Variants in NPAS3 observed in about 807,000 individuals in gnomAD.
NPAS3 encodes the protein neuronal PAS domain-containing protein 3.
Under a neutral mutation model 73.1 loss-of-function variants are expected in NPAS3, and 14 were observed. The ratio of observed to expected loss-of-function variants is 0.19; its 90% CI spans 0.13 to 0.30. The LOEUF (loss-of-function observed/expected upper bound fraction) is 0.30. Among genes scored for constraint, NPAS3 ranks in the 10% least tolerant of loss-of-function variants. NPAS3 has a pLI of 1.00. For synonymous variants in NPAS3, 620 were observed against 541.5 expected, an observed-to-expected ratio of 1.14 and a Z score of -2.01; for missense variants, 1,096 against 1,250.0, an observed-to-expected ratio of 0.88 and a Z score of 1.86.
chr14:33,322,866 A>G (rs1016861873), intron 3 of NPAS3, among the ~76,000 whole-genome samples: 2 of 152,194 alleles, frequency 1.3e-5, no homozygotes, highest in African/African-American at 4.8e-5. Flanking sequence ...ATGGAGATAT[A>G]GGTACTTTCT....
At chr14:33,530,385 G>A (rs1220057215) in intron 4 of NPAS3, among the ~76,000 whole-genome samples, 1 of 152,140 alleles carries the variant, frequency 6.6e-6, no homozygotes, top group Non-Finnish European at 1.5e-5. Flanking sequence ...CATAAATAAA[G>A]CAAGGGCATT....
At chr14:33,563,543 G>C (rs77597245) in intron 5 of NPAS3, among the ~76,000 whole-genome samples, 1,534 of 36,202 alleles carry the variant, frequency 0.042, 27 homozygotes, top group African/African-American at 0.13. Context: ...CACACAGAGA[G>C]AGAGAGAGAG....
intron 2 of NPAS3, among the ~76,000 whole-genome samples, chr14:33,123,751 A>C (rs1243616871): frequency 6.6e-6 from 1 of 152,000 alleles, no homozygotes; most frequent in African/African-American, 2.4e-5. Flanking sequence ...ACAGGTAAGT[A>C]TATTCAGCTG....
intron 1 of NPAS3, among the ~76,000 whole-genome samples, chr14:32,943,790 A>G (rs4981170): frequency 0.81 from 122,252 of 151,414 alleles, 49,664 homozygotes; most frequent in African/African-American, 0.84. Context: ...CTGCCTTCAA[A>G]TGATTCTCCT....
chr14:33,467,597 T>C (rs1021448766), intron 4 of NPAS3, among the ~76,000 whole-genome samples: 1 of 152,208 alleles, frequency 6.6e-6, no homozygotes, highest in African/African-American at 2.4e-5. Flanking sequence ...GCTTTGTATT[T>C]GGGAGAGCTA....
At chr14:33,602,871 G>A (rs1031064172) in intron 5 of NPAS3, among the ~76,000 whole-genome samples, 2 of 152,040 alleles carry the variant, frequency 1.3e-5, no homozygotes, top group African/African-American at 2.4e-5. Context: ...TGTAGGGTGG[G>A]ACCCAAAAGG....
Position 33,539,496 on chromosome 14 carries a change from A to G in NPAS3, c.469-20625A>G, listed in dbSNP as rs575908682. On this transcript the variant is annotated intron_variant, in intron 4 of 11. Coordinates refer to ENST00000356141, the Ensembl canonical transcript of NPAS3. Reference sequence around the variant, plus strand: ...GTATACCAAGCAGAGGTAGTGTTAGAATTAATTAATTTCGCAGGGTGCCTT... The same window carrying G: ...GTATACCAAGCAGAGGTAGTGTTAGGATTAATTAATTTCGCAGGGTGCCTT... 4.6e-5 allele frequency among the ~76,000 whole-genome samples: 7 copies of G among 152,166 alleles called. No individual in the cohort carries two copies. The East Asian group carries it at 1.4e-3, about 29-fold the overall frequency.
chr14:33,117,609 C>T (rs1215954262), intron 2 of NPAS3, among the ~76,000 whole-genome samples: 1 of 152,106 alleles, frequency 6.6e-6, no homozygotes, highest in Non-Finnish European at 1.5e-5. Context: ...TGAAGACTTG[C>T]TTGTTCCTTA....
chr14:33,477,708 T>C (rs938350803), intron 4 of NPAS3, among the ~76,000 whole-genome samples: 1 of 152,164 alleles, frequency 6.6e-6, no homozygotes, highest in Non-Finnish European at 1.5e-5. Flanking sequence ...ATTTGCCCCT[T>C]ACAGCCCTTC....
chr14:33,219,132 G>A (rs1367748857), intron 3 of NPAS3, among the ~76,000 whole-genome samples: 3 of 152,172 alleles, frequency 2.0e-5, no homozygotes. Context: ...CTAAATAACT[G>A]ATGATTGTAA....
chr14:33,190,949 A>G (rs185727109), intron 2 of NPAS3, among the ~76,000 whole-genome samples: 4 of 152,344 alleles, frequency 2.6e-5, no homozygotes, highest in East Asian at 1.9e-4. Context: ...TATGAAGATA[A>G]TAGATGCTTA....
chr14:33,680,965 C>T (rs192587390), intron 6 of NPAS3: 28 of 264,118 alleles, frequency 1.1e-4, no homozygotes, highest in African/African-American at 5.8e-4. Context: ...TACGCTATGT[C>T]CCGAATGTTT....
downstream of NPAS3, chr14:33,802,668 T>C (rs1392318713): frequency 1.3e-5 from 2 of 152,292 alleles, no homozygotes; most frequent in African/African-American, 4.8e-5. Context: ...CTTTGTCTTA[T>C]CTGTGCTCTA....
chr14:33,725,769 C>T (rs193102500), intron 6 of NPAS3, among the ~76,000 whole-genome samples: 25 of 152,196 alleles, frequency 1.6e-4, no homozygotes, highest in Admixed American at 6.5e-4. Context: ...CTTCTAGCTA[C>T]TAAATAATCT....
chr14:33,725,085 C>A (rs1466674594), intron 6 of NPAS3, among the ~76,000 whole-genome samples: 1 of 152,030 alleles, frequency 6.6e-6, no homozygotes, highest in African/African-American at 2.4e-5. Context: ...AACTGATTTG[C>A]AGCCAAGGCC....
At chr14:33,123,770 C>CT (rs994932546) in intron 2 of NPAS3, among the ~76,000 whole-genome samples, 29 of 151,336 alleles carry the variant, frequency 1.9e-4, no homozygotes, top group Non-Finnish European at 2.7e-4. Context: ...TGTTGAGTTT[C>CT]TTTTTTGGCA....
chr14:33,429,672 A>G (rs1331301159), intron 4 of NPAS3, among the ~76,000 whole-genome samples: 1 of 152,152 alleles, frequency 6.6e-6, no homozygotes, highest in African/African-American at 2.4e-5. Context: ...TCCCAGAAGC[A>G]CCATATTTAT....
Position 33,147,754 on chromosome 14 carries a change from T to TATATAC in NPAS3, c.141-67427_141-67426insTATACA, listed in dbSNP as rs368950295. ...AAATATATATATATATATATATATA[T>TATATAC]ACACACAAAAAAGTTTGGATTAAAA... On this transcript the variant is annotated intron_variant, in intron 2 of 11. Coordinates refer to ENST00000356141, the Ensembl canonical transcript of NPAS3. Among the ~76,000 whole-genome samples the TATATAC allele has an allele frequency of 8.6e-3, 1,230 of 142,332 alleles. 17 individuals carry two copies. Among genetic ancestry groups the TATATAC allele is most frequent in the African/African-American group, 0.027 (1,005 of 37,038 alleles). 93.4% of individuals were successfully genotyped at this position (142,332 alleles called of 152,430 possible). A position where few individuals can be genotyped will look rare whatever the true frequency, so the allele number is the denominator to read the frequency against.
chr14:33,221,809 T>A (rs541950483), intron 3 of NPAS3, among the ~76,000 whole-genome samples: 2 of 152,320 alleles, frequency 1.3e-5, no homozygotes, highest in Admixed American at 1.3e-4. Context: ...TTTGACTATG[T>A]CATCATCTGA....
Sources: allele counts gnomAD v4.1 joint callset (sites outside exome capture counted in the v4.1 genomes callset), GRCh38; gene constraint gnomAD v4.1.1; transcripts MANE v1.5; gene names NCBI Gene and HGNC (gene_info 2026-07-23, HGNC 2026-07-21).